Variants in MRTFB observed in about 807,000 individuals in gnomAD.
MRTFB encodes myocardin-related transcription factor B.
In MRTFB, 29 loss-of-function variants were observed where a neutral mutation model predicts 104.2. The observed-to-expected ratio is 0.28, with a 90% CI of 0.21 to 0.38. The LOEUF (loss-of-function observed/expected upper bound fraction) is 0.38. Ranked by LOEUF, MRTFB falls within the 10% of genes least tolerant of loss-of-function variation. The pLI is 1.00. For missense variants in MRTFB, 1,270 were observed against 1,341.6 expected (o/e 0.95, Z 0.83); for synonymous variants, 535 against 519.5 (o/e 1.03, Z -0.41).
At chr16:14,003,250 G>C in the MRTFB span, among the ~76,000 whole-genome samples, 1 of 152,178 alleles carries the variant, frequency 6.6e-6, no homozygotes, top group Non-Finnish European at 1.5e-5. Context: ...GTGTAGGCGT[G>C]TGACGAGTTT....
the MRTFB span, among the ~76,000 whole-genome samples, chr16:14,026,974 C>G: frequency 6.6e-6 from 1 of 152,110 alleles, no homozygotes; most frequent in Non-Finnish European, 1.5e-5. Flanking sequence ...AGTACAGAAA[C>G]TCTGGGGAAA....
chr16:14,217,030 C>A, intron 6 of MRTFB, 96 bp from the exon 7 acceptor site: 2 of 1,278,424 alleles, frequency 1.6e-6, no homozygotes, highest in Non-Finnish European at 2.1e-6. Flanking sequence ...AAAAATGTGT[C>A]TAAATCAGTT....
chr16:14,033,566 G>T, the MRTFB span, among the ~76,000 whole-genome samples: 1 of 151,944 alleles, frequency 6.6e-6, no homozygotes, highest in Non-Finnish European at 1.5e-5. Flanking sequence ...ACCAGGTACA[G>T]TGGCTCACAC....
chr16:14,216,708 G>A (rs1343865177), intron 6 of MRTFB, among the ~76,000 whole-genome samples: 3 of 151,854 alleles, frequency 2.0e-5, no homozygotes, highest in Non-Finnish European at 2.9e-5. Flanking sequence ...ACCCTAAGAG[G>A]CAGTGTCTCC....
At chr16:14,188,346 G>A (rs2040034184) in intron 3 of MRTFB, among the ~76,000 whole-genome samples, 1 of 152,142 alleles carries the variant, frequency 6.6e-6, no homozygotes, top group African/African-American at 2.4e-5. Flanking sequence ...CAAGTGTCAA[G>A]CTCCTAATAA....
chr16:14,234,231 T>A lies in MRTFB; in HGVS notation c.779T>A (p.Val260Asp), dbSNP rs1344940649. The A allele has an allele frequency of 3.1e-6, 5 of 1,614,026 alleles. No individual in the cohort carries two copies. Among genetic ancestry groups the A allele is most frequent in the Non-Finnish European group, 4.2e-6 (5 of 1,180,024 alleles). ...CCTCCCCCACGGCCTGCAGCTCCTGTCCTCCCCACAAACACTGTGTCCTCA... is the reference window on the plus strand; with the variant it reads ...CCTCCCCCACGGCCTGCAGCTCCTGACCTCCCCACAAACACTGTGTCCTCA... ...DQPPPRPAAPVLPTNTVSSAK... is the reference protein window; with the variant it reads ...DQPPPRPAAPDLPTNTVSSAK... Residue 260 changes from valine to aspartate, a missense_variant, in exon 9 of 17, where the codon GTC becomes GAC. This residue lies in a region of MRTFB where 1,144 missense variants were observed against 1,131.5 expected (regional missense o/e 1.01). Transcript: ENST00000571589.
chr16:14,260,050 A>C (rs1469192632), intron 16 of MRTFB, among the ~76,000 whole-genome samples: 1 of 152,220 alleles, frequency 6.6e-6, no homozygotes, highest in African/African-American at 2.4e-5. Flanking sequence ...TACTTCATTC[A>C]TTTATGTAGT....
intron 1 of MRTFB, among the ~76,000 whole-genome samples, chr16:14,076,323 CT>C (rs2034049789): frequency 6.6e-6 from 1 of 152,036 alleles, no homozygotes; most frequent in Admixed American, 6.6e-5. Context: ...TCCCAAGTAG[CT>C]TGGGACTACA....
At chr16:14,121,444 C>T (rs58760630) in intron 2 of MRTFB, among the ~76,000 whole-genome samples, 8,708 of 152,096 alleles carry the variant, frequency 0.057, 493 homozygotes, top group East Asian at 0.29. Flanking sequence ...TCACGATGCT[C>T]CAAATGTTTG....
At chr16:14,229,767 T>A (rs1194854266) in intron 8 of MRTFB, among the ~76,000 whole-genome samples, 1 of 152,130 alleles carries the variant, frequency 6.6e-6, no homozygotes, top group Non-Finnish European at 1.5e-5. Flanking sequence ...TTTGAATGCA[T>A]AAATATCCAT....
chr16:14,027,379 G>A, the MRTFB span, among the ~76,000 whole-genome samples: 2 of 152,158 alleles, frequency 1.3e-5, no homozygotes, highest in African/African-American at 4.8e-5. Context: ...GTTAGGATTG[G>A]AGACAGTGCA....
At chr16:14,183,297 G>A (rs2039830582) in intron 3 of MRTFB, among the ~76,000 whole-genome samples, 1 of 152,096 alleles carries the variant, frequency 6.6e-6, no homozygotes, top group Admixed American at 6.5e-5. Context: ...AAAATAACTG[G>A]CCTGTAATCA....
chr16:14,065,939 T>A, the MRTFB span, among the ~76,000 whole-genome samples: 1 of 152,164 alleles, frequency 6.6e-6, no homozygotes, highest in South Asian at 2.1e-4. Context: ...CCAGCCATTT[T>A]CTTGTCATTT....
chr16:14,204,607 G>A (rs1015830615), intron 3 of MRTFB, among the ~76,000 whole-genome samples: 1 of 152,112 alleles, frequency 6.6e-6, no homozygotes, highest in Admixed American at 6.5e-5. Context: ...GTTGTGATAA[G>A]GAATAAGGAT....
At chr16:14,102,357 G>A (rs1329255534) in intron 2 of MRTFB, among the ~76,000 whole-genome samples, 5 of 152,162 alleles carry the variant, frequency 3.3e-5, no homozygotes, top group East Asian at 1.9e-4. Flanking sequence ...CGGGCTTAAC[G>A]TCGCCTCTTC....
chr16:14,013,472 A>T, the MRTFB span: 2 of 152,192 alleles, frequency 1.3e-5, no homozygotes, highest in South Asian at 2.1e-4. Context: ...GCAAGGAAAG[A>T]AGAGGGGAAA....
At chr16:14,171,986 T>C (rs567363471) in intron 3 of MRTFB, among the ~76,000 whole-genome samples, 1 of 152,340 alleles carries the variant, frequency 6.6e-6, no homozygotes, top group South Asian at 2.1e-4. Context: ...GTTGCATTCA[T>C]TTATTTTATG....
the MRTFB span, among the ~76,000 whole-genome samples, chr16:14,010,465 T>C: frequency 6.6e-6 from 1 of 152,124 alleles, no homozygotes; most frequent in African/African-American, 2.4e-5. Context: ...CAGGCTACCA[T>C]AATTTTTTAA....
chr16:14,127,927 ATATTT>A (rs2037229052), intron 2 of MRTFB, among the ~76,000 whole-genome samples: 1 of 38,798 alleles, frequency 2.6e-5, no homozygotes, highest in Non-Finnish European at 3.8e-5. Context: ...ATATATATAT[ATATTT>A]TTTTTTTTTT....
Sources: allele counts gnomAD v4.1 joint callset (sites outside exome capture counted in the v4.1 genomes callset), GRCh38; gene constraint gnomAD v4.1.1; regional missense constraint gnomAD v4.1.1; transcripts MANE v1.5; gene names NCBI Gene and HGNC (gene_info 2026-07-23, HGNC 2026-07-21).